ITGA10: variants seen among roughly 807,000 people sequenced by gnomAD.
ITGA10 encodes the protein integrin alpha-10.
Under a neutral mutation model 145.2 loss-of-function variants are expected in ITGA10, and 105 were observed. The ratio of observed to expected loss-of-function variants is 0.72; its 90% CI spans 0.62 to 0.85. The LOEUF is 0.85. Among genes scored for constraint, ITGA10 ranks in the 40% least tolerant of loss-of-function variants. The probability of loss-of-function intolerance (pLI) is 0.00; values close to 1 mark genes in which losing one functional copy is unlikely to be tolerated. For missense variants in ITGA10, 1,317 were observed against 1,444.5 expected (o/e 0.91, Z 1.43); for synonymous variants, 506 against 557.8 (o/e 0.91, Z 1.31).
chr1:145,903,655 T>A (rs1302469343), intron 7 of ITGA10, among the ~76,000 whole-genome samples: 5 of 151,908 alleles, frequency 3.3e-5, no homozygotes, highest in Non-Finnish European at 7.4e-5. Flanking sequence ...CTTCTTCTTT[T>A]TTTTTTTTTA....
chr1:145,900,417 G>A (rs1283619850), intron 14 of ITGA10, among the ~76,000 whole-genome samples: 3 of 152,044 alleles, frequency 2.0e-5, no homozygotes, highest in African/African-American at 7.3e-5. Context: ...ATAGGTGTGC[G>A]CCACCAGGCC....
intron 24 of ITGA10, 34 bp downstream of exon 24, chr1:145,896,234 T>C: frequency 1.3e-6 from 2 of 1,563,892 alleles, no homozygotes; most frequent in Non-Finnish European, 1.8e-6. Context: ...TTCCCCCACA[T>C]TCTCCTCATG....
chr1:145,903,078 T>C, intron 7 of ITGA10, 117 bp from the exon 8 acceptor site: 5 of 954,702 alleles, frequency 5.2e-6, no homozygotes, highest in Non-Finnish European at 7.6e-6. Flanking sequence ...GGATTTAACA[T>C]CAGCACTTCC....
At position 145,901,124 on chromosome 1, in the gene ITGA10, G is replaced by C. The variant is rs1553748126; in HGVS notation, c.1587+11C>G. 1.2e-6 allele frequency: 2 copies of C among 1,613,732 alleles called. No individual in the cohort carries two copies. Among genetic ancestry groups the C allele is most frequent in the Middle Eastern group, 1.6e-4 (1 of 6,062 alleles). On this transcript the variant is annotated intron_variant, in intron 13 of 29. Coordinates refer to ENST00000369304, the MANE Select transcript of ITGA10 (RefSeq NM_003637.5). This position sits in a 1 kb window ranked among gnomAD's most constrained non-coding sequence, Gnocchi z 4.3. ...TGCAAGTCCAGGGCAGGGGGTCCCA[G>C]CAAGTCTCACCTGGCCTACCAGATA...
rs781953855 is a variant in ITGA10, at chr1:145,899,234, G to T, written c.2030C>A (p.Thr677Asn). ...RRRGQEAVCL[T>N]AALCFQVTSR... is the part of the protein sequence containing the mutation. ...GGTCACTTGGAAGCAAAGGGCTGCA[G>T]TCAGACAGACTGCCTCTTGGCCTCG... Residue 677 changes from threonine (T) to asparagine (N), a missense_variant, in exon 16 of 30, where the codon ACT becomes AAT. Transcript: ENST00000369304. The T allele has an allele frequency of 4.3e-6, 7 of 1,614,262 alleles. No individual in the cohort carries two copies. In the South Asian group the frequency reaches 7.7e-5, roughly 18 times the overall value.
In ITGA10 at chr1:145,901,635, C is replaced by T; in HGVS notation, c.1324G>A (p.Gly442Ser). ...CCAGAGAGAAACAGGCGGCGTCCACCCCGCAAAAGCATGGAAGAAACAGAG... is the reference window on the plus strand; with the variant it reads ...CCAGAGAGAAACAGGCGGCGTCCACTCCGCAAAAGCATGGAAGAAACAGAG... ...GYSVSSMLLR[G>S]GRRLFLSGAP... Residue 442 changes from glycine to serine, a missense_variant, in exon 12 of 30, where the codon GGT (glycine) becomes AGT (serine). By Grantham distance (56) the Gly-to-Ser change is moderately conservative. Coordinates refer to ENST00000369304, the MANE Select transcript of ITGA10 (RefSeq NM_003637.5). This position sits in a 1 kb window ranked among gnomAD's most constrained non-coding sequence, Gnocchi z 4.3. 1 of 1,581,844 alleles carries T rather than the reference C, an allele frequency of 6.3e-7. No homozygotes were observed.
At chr1:145,895,237 GA>G in intron 27 of ITGA10, 42 bp downstream of exon 27, 1 of 1,421,640 alleles carries the variant, frequency 7.0e-7, no homozygotes, top group Non-Finnish European at 9.9e-7. Flanking sequence ...TAAAGTTCCA[GA>G]AAGGAGCAGA....
In ITGA10 at chr1:145,898,100, C is replaced by T. The variant is rs1553746033; in HGVS notation, c.2346+10G>A. 6.3e-7 allele frequency: 1 copy of T among 1,589,282 alleles called. No individual in the cohort carries two copies. Among genetic ancestry groups the T allele is most frequent in the Non-Finnish European group, 8.6e-7 (1 of 1,157,400 alleles). On this transcript the variant is annotated intron_variant, in intron 18 of 29. Transcript: ENST00000369304. ...GTTGGGAGCAAGGGGCAGGGCATGG[C>T]ACTGCTGACCAGCTTTTGTATAGAG...
intron 7 of ITGA10, 93 bp from the exon 8 acceptor site, chr1:145,903,054 CA>C: frequency 1.0e-6 from 1 of 990,474 alleles, no homozygotes; most frequent in Non-Finnish European, 1.5e-6. Context: ...CACACACACA[CA>C]CACACACACA....
In ITGA10 at chr1:145,892,687, G is replaced by A; in HGVS notation, c.*111C>T. ...AGTCAAGTCAGGCTGCTGGTCTGGG[G>A]AGATAGTCCAGAGGCGGCTTCTTGT... On this transcript the variant is annotated 3_prime_UTR_variant, in exon 30 of 30. Coordinates refer to ENST00000369304, the MANE Select transcript of ITGA10 (RefSeq NM_003637.5). 2.6e-6 allele frequency: 2 copies of A among 774,416 alleles called. No homozygotes were observed. The highest frequency in any genetic ancestry group is 4.5e-6 in the Non-Finnish European group (2 of 448,744). 48.0% of individuals were successfully genotyped at this position (774,416 alleles called of 1,614,324 possible).
Position 145,897,256 on chromosome 1 carries a change from A to C in ITGA10, c.2658T>G (p.Thr886=). The C allele has an allele frequency of 1.9e-6, 3 of 1,613,968 alleles. No individual in the cohort carries two copies. Among genetic ancestry groups the C allele is most frequent in the Non-Finnish European group, 2.5e-6 (3 of 1,179,904 alleles). The change falls in exon 21 of 30, where the codon ACT becomes ACG. Residue 886 remains threonine (T), a synonymous_variant. Coordinates refer to ENST00000369304, the MANE Select transcript of ITGA10 (RefSeq NM_003637.5). ...LCSVGHPVFQ[T]GAKVTFLLEF... ...CTAGACCCCAACCCACCTTGGCTCC[A>C]GTCTGGAAGACAGGATGCCCCACAC... is the stretch of plus-strand genomic sequence containing the variant.
At position 145,896,006 on chromosome 1, in the gene ITGA10, G is replaced by A; in HGVS notation, c.3010C>T (p.Leu1004=). 1 of 1,613,648 alleles carries A rather than the reference G, an allele frequency of 6.2e-7. No individual in the cohort carries two copies. Among genetic ancestry groups the A allele is most frequent in the Non-Finnish European group, 8.5e-7 (1 of 1,179,598 alleles). Residue 1004 remains leucine (L), a synonymous_variant, in exon 25 of 30, where the codon CTG becomes TTG. Transcript: ENST00000369304. ...VAHGGNYFLS[L]SQVITNNASC... ...ACATTGTTAGTGATGACTTGAGACA[G>A]TGATAGGAAGTAATTGCCCCCATGG...
Position 145,906,519 on chromosome 1 carries a change from G to A in ITGA10, c.367-11C>T, listed in dbSNP as rs1553751107. On this transcript the variant is annotated splice_polypyrimidine_tract_variant and intron_variant, in intron 4 of 29. Coordinates refer to ENST00000369304, the MANE Select transcript of ITGA10 (RefSeq NM_003637.5). ...GAGAGGGGCACAGGCCTGGGGATGGGGGAAATAGTTACTCCCAGGCTTGGG... is the reference window on the plus strand; with the variant it reads ...GAGAGGGGCACAGGCCTGGGGATGGAGGAAATAGTTACTCCCAGGCTTGGG... The A allele has an allele frequency of 6.2e-7, 1 of 1,610,260 alleles. No individual in the cohort carries two copies. Among genetic ancestry groups the A allele is most frequent in the South Asian group, 1.1e-5 (1 of 90,966 alleles).
chr1:145,897,423 C>A, intron 20 of ITGA10, 84 bp from the exon 21 acceptor site: 1 of 1,594,788 alleles, frequency 6.3e-7, no homozygotes, highest in Non-Finnish European at 8.6e-7. Context: ...CTGAGCCTTT[C>A]TCTAGAGGAC....
chr1:145,895,791 C>T (rs1320021290), intron 25 of ITGA10, 80 bp from the exon 26 acceptor site: 26 of 1,275,732 alleles, frequency 2.0e-5, no homozygotes, highest in Non-Finnish European at 2.5e-5. Flanking sequence ...CATACCTACA[C>T]CCTTGTAGTT....
chr1:145,899,763 C>T (rs1023641392), intron 15 of ITGA10, among the ~76,000 whole-genome samples: 6 of 152,010 alleles, frequency 3.9e-5, no homozygotes, highest in South Asian at 2.1e-4. Context: ...CTCCTACCTT[C>T]GCCTCCCAAA....
rs587680799 is a variant in ITGA10 at position 145,907,523 on chromosome 1, C to A, written c.53-58G>T. ...GTAGTGAATGGCTAGAGGCACAGCC[C>A]GAGAGAAGCTGTGAGGAAGCGTCTT... On this transcript the variant is annotated intron_variant, in intron 1 of 29. Transcript: ENST00000369304. The A allele has an allele frequency of 2.1e-5, 33 of 1,604,566 alleles. No homozygotes were observed. In the African/African-American group the frequency reaches 4.2e-4, roughly 20 times the overall value.
rs1553744564 is a variant in ITGA10 at position 145,895,412 on chromosome 1, A to G, written c.3115-19T>C. The G allele has an allele frequency of 6.3e-7, 1 of 1,591,756 alleles. No individual in the cohort carries two copies. On this transcript the variant is annotated intron_variant, in intron 26 of 29. Coordinates refer to ENST00000369304, the MANE Select transcript of ITGA10 (RefSeq NM_003637.5). ...TCCCATTCTAACAGAAGAGACAGAG[A>G]GAGACAGATCAGGACTCTGGGGTAG...
intron 27 of ITGA10, among the ~76,000 whole-genome samples, chr1:145,894,165 G>T (rs1450047665): frequency 2.7e-5 from 4 of 148,010 alleles, no homozygotes; most frequent in Non-Finnish European, 5.9e-5. Context: ...AGGCTGGAGT[G>T]CAGTGGCGTG....
Sources: allele counts gnomAD v4.1 joint callset (sites outside exome capture counted in the v4.1 genomes callset), GRCh38; gene constraint gnomAD v4.1.1; non-coding constraint Gnocchi (gnomAD v3.1); transcripts MANE v1.5; gene names NCBI Gene and HGNC (gene_info 2026-07-23, HGNC 2026-07-21).